ERCC3: variants seen among roughly 807,000 people sequenced by gnomAD.
ERCC3 encodes the protein general transcription and DNA repair factor IIH helicase/translocase subunit XPB.
ERCC3 carries 66 observed loss-of-function variants against 94.2 expected under a neutral mutation model. The ratio of observed to expected loss-of-function variants is 0.70; its 90% CI spans 0.57 to 0.86. The LOEUF is 0.86. Among genes scored for constraint, ERCC3 ranks in the 40% least tolerant of loss-of-function variants. The pLI is 0.00. For missense variants in ERCC3, 829 were observed against 987.1 expected (o/e 0.84, Z 2.15); for synonymous variants, 349 against 369.1 (o/e 0.95, Z 0.63).
At chr2:127,269,475 G>A (rs1048953174) in intron 12 of ERCC3, among the ~76,000 whole-genome samples, 1 of 137,090 alleles carries the variant, frequency 7.3e-6, no homozygotes, top group African/African-American at 2.8e-5. Flanking sequence ...AGGCTGGAAT[G>A]CAGTGGCGCA....
In ERCC3 at chr2:127,261,027, C is replaced by T. The variant is rs372263432; in HGVS notation, c.2064+201G>A. ...AGTGCTGGTCATAGTGCCATGGCACCTCAGTCCTGCCAGGACGGCACACTT... is the reference window on the plus strand; with the variant it reads ...AGTGCTGGTCATAGTGCCATGGCACTTCAGTCCTGCCAGGACGGCACACTT... On this transcript the variant is annotated intron_variant, in intron 13 of 14. Coordinates refer to ENST00000285398, the MANE Select transcript of ERCC3 (RefSeq NM_000122.2). 38 of 598,886 alleles carry T rather than the reference C, an allele frequency of 6.3e-5. No individual in the cohort carries two copies. In the East Asian group the frequency reaches 6.5e-4, roughly 10 times the overall value. 37.1% of individuals were successfully genotyped at this position (598,886 alleles called of 1,614,324 possible).
At position 127,257,376 on chromosome 2, in the gene ERCC3, C is replaced by G. The variant is rs1684042791; in HGVS notation, c.*220G>C. ...ACATTTTTTATATACAGAAATGACC[C>G]CACTCCCCAAAAAGTTTGAAAAAAT... On this transcript the variant is annotated 3_prime_UTR_variant, in exon 15 of 15. Coordinates refer to ENST00000285398, the MANE Select transcript of ERCC3 (RefSeq NM_000122.2). This position sits in a 1 kb window ranked among gnomAD's most constrained non-coding sequence, Gnocchi z 5.4. The G allele has an allele frequency of 1.6e-6, 1 of 610,804 alleles. No homozygotes were observed. The highest frequency in any genetic ancestry group is 2.8e-5 in the Admixed American group (1 of 35,312). 37.8% of individuals were successfully genotyped at this position (610,804 alleles called of 1,614,324 possible). A position where few individuals can be genotyped will look rare whatever the true frequency, so the allele number is the denominator to read the frequency against.
At chr2:127,288,551 G>C in intron 7 of ERCC3, 109 bp downstream of exon 7, 1 of 983,232 alleles carries the variant, frequency 1.0e-6, no homozygotes, top group South Asian at 1.3e-5. Flanking sequence ...CCTGATCTTG[G>C]CTTTTCAGCA....
intron 12 of ERCC3, among the ~76,000 whole-genome samples, chr2:127,266,333 CTTTTTTTTTTT>C (rs58029182): frequency 7.2e-5 from 8 of 111,352 alleles, no homozygotes; most frequent in Non-Finnish European, 1.4e-4. Flanking sequence ...TTTATTGAGT[CTTTTTTTTTTT>C]TTTTTTTTTT....
At position 127,274,744 on chromosome 2, in the gene ERCC3, G is replaced by C. The variant is rs572165855; in HGVS notation, c.1731-1783C>G. Among the ~76,000 whole-genome samples, 3 of 152,284 alleles carry C rather than the reference G, an allele frequency of 2.0e-5. No individual in the cohort carries two copies. In the South Asian group the frequency reaches 6.2e-4, roughly 32 times the overall value. ...TGACTCTTGAGACCCAGGTTTTTAG[G>C]TGGTTTTCTCCTCCCCCATCACCAG... is the stretch of plus-strand genomic sequence containing the variant. On this transcript the variant is annotated intron_variant, in intron 10 of 14. Transcript: ENST00000285398. The surrounding 1 kb of genome is among the most constrained non-coding windows in gnomAD (Gnocchi z 4.0).
At chr2:127,275,669 T>C (rs1378185513) in intron 10 of ERCC3, among the ~76,000 whole-genome samples, 1 of 152,122 alleles carries the variant, frequency 6.6e-6, no homozygotes, top group Non-Finnish European at 1.5e-5. Flanking sequence ...AGAGAATAGT[T>C]CTTAAATAAG....
In ERCC3 at chr2:127,264,998, C is replaced by A. The variant is rs1445525504; in HGVS notation, c.1946-3652G>T. Among the ~76,000 whole-genome samples the A allele has an allele frequency of 6.6e-6, 1 of 152,066 alleles. No homozygotes were observed. On this transcript the variant is annotated intron_variant, in intron 12 of 14. Coordinates refer to ENST00000285398, the MANE Select transcript of ERCC3 (RefSeq NM_000122.2). The surrounding 1 kb of genome is among the most constrained non-coding windows in gnomAD (Gnocchi z 4.4). ...ACGTGGATGGAATTACAGGCACACG[C>A]CACCAAGCCCACCTAGTTTTGTATT...
chr2:127,273,369 A>C (rs908614580), intron 10 of ERCC3, among the ~76,000 whole-genome samples: 3 of 152,224 alleles, frequency 2.0e-5, no homozygotes, highest in African/African-American at 7.2e-5. Flanking sequence ...GGCATGCTCC[A>C]AGAGATGAGC....
chr2:127,286,320 G>A (rs1390207966), intron 8 of ERCC3, among the ~76,000 whole-genome samples: 1 of 152,186 alleles, frequency 6.6e-6, no homozygotes, highest in African/African-American at 2.4e-5. Flanking sequence ...GGAGGATGAG[G>A]TGGGTGGATC....
intron 13 of ERCC3, chr2:127,261,016 T>C (rs2174272): frequency 2.9e-4 from 170 of 580,698 alleles, no homozygotes; most frequent in African/African-American, 2.8e-3. Context: ...CTGGTCATAG[T>C]GCCATGGCAC....
In ERCC3 at chr2:127,257,595, A is replaced by G; in HGVS notation, c.*1T>C. The G allele has an allele frequency of 6.2e-7, 1 of 1,613,868 alleles. No homozygotes were observed. The highest frequency in any genetic ancestry group is 8.5e-7 in the Non-Finnish European group (1 of 1,180,020). ...CTTGAACGAAGTACCCTGCCTAAGC[A>G]TCATTTCCTAAAGCGCTTGAAGAGC... On this transcript the variant is annotated 3_prime_UTR_variant, in exon 15 of 15. Coordinates refer to ENST00000285398, the MANE Select transcript of ERCC3 (RefSeq NM_000122.2). The surrounding 1 kb of genome is among the most constrained non-coding windows in gnomAD (Gnocchi z 5.4).
intron 8 of ERCC3, among the ~76,000 whole-genome samples, chr2:127,282,464 CACTT>C (rs1684945600): frequency 6.6e-6 from 1 of 152,214 alleles, no homozygotes; most frequent in Non-Finnish European, 1.5e-5. Context: ...ACACAGGAAG[CACTT>C]AATATACACA....
intron 12 of ERCC3, among the ~76,000 whole-genome samples, chr2:127,268,975 C>T (rs1053925565): frequency 2.0e-5 from 3 of 150,696 alleles, no homozygotes; most frequent in East Asian, 1.9e-4. Context: ...AGTGACAGTC[C>T]GTGACAACTG....
In ERCC3 at chr2:127,288,748, T is replaced by C. The variant is rs755676597; in HGVS notation, c.939A>G (p.Thr313=). The C allele has an allele frequency of 6.2e-7, 1 of 1,614,180 alleles. No homozygotes were observed. Among genetic ancestry groups the C allele is most frequent in the Non-Finnish European group, 8.5e-7 (1 of 1,180,024 alleles). Residue 313 remains threonine (T), a synonymous_variant, in exon 7 of 15, where the codon ACA becomes ACG. Coordinates refer to ENST00000285398, the MANE Select transcript of ERCC3 (RefSeq NM_000122.2). ...NPDINIDLKP[T]AVLRPYQEKS... is the part of the protein sequence containing the mutation. ...TCTCCTGATAGGGTCTGAGGACAGC[T>C]GTGGGCTTTAGGTCAATGTTGATAT...
At chr2:127,292,491 C>A (rs1685305062) in intron 3 of ERCC3, 119 bp downstream of exon 3, 1 of 800,370 alleles carries the variant, frequency 1.2e-6, no homozygotes, top group Non-Finnish European at 2.2e-6. Context: ...CGTTATGCTC[C>A]CCACAGGAAA....
chr2:127,265,936 T>C (rs1428545002), intron 12 of ERCC3, among the ~76,000 whole-genome samples: 4 of 152,216 alleles, frequency 2.6e-5, no homozygotes, highest in African/African-American at 2.4e-5. Flanking sequence ...CTATAAACTT[T>C]CCTAACAATA....
At chr2:127,290,488 T>G (rs1558963507) in intron 3 of ERCC3, 1 of 621,516 alleles carries the variant, frequency 1.6e-6, no homozygotes, top group Non-Finnish European at 2.9e-6. Flanking sequence ...GCCTGGGTAA[T>G]TCTGATGCAT....
At chr2:127,286,421 G>C (rs1293926113) in intron 8 of ERCC3, among the ~76,000 whole-genome samples, 1 of 152,036 alleles carries the variant, frequency 6.6e-6, no homozygotes, top group Non-Finnish European at 1.5e-5. Context: ...GGTGGCAGGT[G>C]CCTGTAATCC....
At chr2:127,293,964 G>A (rs1413079526) in intron 1 of ERCC3, 90 bp downstream of exon 1, 4 of 1,555,448 alleles carry the variant, frequency 2.6e-6, no homozygotes, top group African/African-American at 1.4e-5. Flanking sequence ...AGGGTCGGCC[G>A]GCGCAGAGGC....
Sources: allele counts gnomAD v4.1 joint callset (sites outside exome capture counted in the v4.1 genomes callset), GRCh38; gene constraint gnomAD v4.1.1; non-coding constraint Gnocchi (gnomAD v3.1); transcripts MANE v1.5; gene names NCBI Gene and HGNC (gene_info 2026-07-23, HGNC 2026-07-21).